Variants in KNL1 observed in about 807,000 individuals in gnomAD.
KNL1 encodes the protein outer kinetochore KNL1 complex subunit KNL1.
In KNL1, 66 loss-of-function variants were observed where a neutral mutation model predicts 201.3. The observed-to-expected ratio is 0.33, with a 90% CI of 0.27 to 0.40. The LOEUF is 0.40. Ranked by LOEUF, KNL1 falls within the 10% of genes least tolerant of loss-of-function variation. The pLI, the probability that KNL1 is intolerant of heterozygous loss-of-function variation, is 1.00. For missense variants in KNL1, 2,815 were observed against 2,690.5 expected (o/e 1.05, Z -1.02); for synonymous variants, 895 against 899.2 (o/e 1.00, Z 0.08).
Position 40,624,323 on chromosome 15 carries a change from T to G in KNL1, c.4059T>G (p.Ser1353=). 6.2e-7 allele frequency: 1 copy of G among 1,614,072 alleles called. No individual in the cohort carries two copies. Among genetic ancestry groups the G allele is most frequent in the Non-Finnish European group, 8.5e-7 (1 of 1,179,944 alleles). Residue 1353 remains serine (S), a synonymous_variant, in exon 10 of 26, where the codon TCT becomes TCG. Coordinates refer to ENST00000399668, the MANE Select transcript of KNL1 (RefSeq NM_144508.5). ...NDFASEYYLE[S]EGQPLSAPCP... ...TTGCCAGTGAATATTACTTGGAATC[T>G]GAGGGACAGCCTCTCTCTGCTCCTT...
At chr15:40,650,506 A>G in intron 18 of KNL1, 38 bp from the exon 19 acceptor site, 1 of 1,542,436 alleles carries the variant, frequency 6.5e-7, no homozygotes. Context: ...ACATTCTAAT[A>G]TGTTTGTTCT....
intron 7 of KNL1, among the ~76,000 whole-genome samples, chr15:40,613,877 A>G (rs1162114034): frequency 1.3e-5 from 2 of 151,998 alleles, no homozygotes; most frequent in Non-Finnish European, 2.9e-5. Context: ...GGCCCACTGC[A>G]AGCTCCGCCT....
chr15:40,640,158 G>T (rs541101545), intron 13 of KNL1, among the ~76,000 whole-genome samples: 2 of 146,250 alleles, frequency 1.4e-5, no homozygotes, highest in Non-Finnish European at 3.0e-5. Context: ...GTGCAGTGGC[G>T]CAATCTCGGC....
chr15:40,662,258 C>A lies in KNL1; in HGVS notation c.*70C>A. ...ATTATTTCAGGGTCCCATTGCTGTT[C>A]AGCCTTTGTTTTTACGTCATTACAA... On this transcript the variant is annotated 3_prime_UTR_variant, in exon 26 of 26. Transcript: ENST00000399668. The A allele has an allele frequency of 1.1e-6, 1 of 874,832 alleles. No individual in the cohort carries two copies. Among genetic ancestry groups the A allele is most frequent in the South Asian group, 1.4e-5 (1 of 69,324 alleles). 54.2% of individuals were successfully genotyped at this position (874,832 alleles called of 1,614,324 possible).
At chr15:40,625,766 G>T (rs1387276187) in intron 10 of KNL1, 126 bp downstream of exon 10, 4 of 677,434 alleles carry the variant, frequency 5.9e-6, no homozygotes, top group Non-Finnish European at 7.6e-6. Flanking sequence ...TTTCCACTTA[G>T]AGGGCTGGAG....
intron 25 of KNL1, 141 bp downstream of exon 25, chr15:40,659,602 C>T: frequency 1.7e-6 from 1 of 573,176 alleles, no homozygotes; most frequent in Non-Finnish European, 2.7e-6. Context: ...ACGCCATTCT[C>T]CTGCCTCAGC....
chr15:40,638,467 G>A (rs1416211034), intron 13 of KNL1, among the ~76,000 whole-genome samples: 2 of 151,878 alleles, frequency 1.3e-5, no homozygotes, highest in South Asian at 2.1e-4. Flanking sequence ...GAGCCACTGT[G>A]CCCAGGTCTG....
In KNL1 at chr15:40,621,472, A is replaced by G. The variant is rs1892523987; in HGVS notation, c.1208A>G (p.Asn403Ser). Residue 403 changes from asparagine to serine, a missense_variant, in exon 10 of 26, where the codon AAT becomes AGT. Physicochemically the swap from Asn to Ser is conservative, Grantham distance 46. Transcript: ENST00000399668. Reference sequence around the variant, plus strand: ...ACTCACATAGTCTCACAGACTTGTAATCAGGATGCCAGAATATTAGCCATG... The same window carrying G: ...ACTCACATAGTCTCACAGACTTGTAGTCAGGATGCCAGAATATTAGCCATG... ...AETHIVSQTCNQDARILAMTP... is the reference protein window; with the variant it reads ...AETHIVSQTCSQDARILAMTP... 1.9e-6 allele frequency: 3 copies of G among 1,614,016 alleles called. No individual in the cohort carries two copies. The East Asian group carries it at 6.7e-5, about 36-fold the overall frequency.
Position 40,657,051 on chromosome 15 carries a change from C to T in KNL1, c.6494C>T (p.Ala2165Val). 5 of 1,550,178 alleles carry T rather than the reference C, an allele frequency of 3.2e-6. No individual in the cohort carries two copies. Among genetic ancestry groups the T allele is most frequent in the Non-Finnish European group, 4.4e-6 (5 of 1,145,084 alleles). The change falls in exon 23 of 26, where the codon GCT becomes GTT. Residue 2165 changes from alanine (A) to valine (V), a missense_variant. By Grantham distance (64) the Ala-to-Val change is moderately conservative. Transcript: ENST00000399668. ...TTTTTTCCTTCCCCAGAGGATCAAG[C>T]TCCTCCTTCCTCCCTTTTAGTTCAT... ...NFQSLLDEDQ[A>V]PPSSLLVHKL...
intron 3 of KNL1, among the ~76,000 whole-genome samples, chr15:40,605,561 C>T (rs1046056843): frequency 4.6e-5 from 7 of 152,146 alleles, no homozygotes; most frequent in Admixed American, 2.0e-4. Context: ...AAGCGATTCT[C>T]GTGTTTCAGC....
At chr15:40,651,696 A>T in intron 20 of KNL1, 124 bp downstream of exon 20, 1 of 638,394 alleles carries the variant, frequency 1.6e-6, no homozygotes, top group Non-Finnish European at 2.7e-6. Context: ...TGCTGTTTCA[A>T]AAAGAGTCAG....
At position 40,597,877 on chromosome 15, in the gene KNL1, T is replaced by G. The variant is rs1595910290; in HGVS notation, c.-18+3485T>G. Among the ~76,000 whole-genome samples the G allele has an allele frequency of 2.0e-5, 3 of 152,248 alleles. No homozygotes were observed. In the East Asian group the frequency reaches 5.8e-4, roughly 29 times the overall value. On this transcript the variant is annotated intron_variant, in intron 1 of 25. Coordinates refer to ENST00000399668, the MANE Select transcript of KNL1 (RefSeq NM_144508.5). The stretch of plus-strand genomic sequence containing the variant: ...TGAATTTTGAACATGTGCACTGAAT[T>G]TGAAAATATTTCCCCTGGGCGCGGT...
At chr15:40,659,998 C>T (rs1174294464) in intron 25 of KNL1, among the ~76,000 whole-genome samples, 1 of 151,158 alleles carries the variant, frequency 6.6e-6, no homozygotes, top group Non-Finnish European at 1.5e-5. Flanking sequence ...GCAACCTCTG[C>T]CTCCTGGGTT....
chr15:40,622,588 G>C lies in KNL1; in HGVS notation c.2324G>C (p.Gly775Ala), dbSNP rs1016925278. 3 of 1,611,050 alleles carry C rather than the reference G, an allele frequency of 1.9e-6. No homozygotes were observed. ...TKSHTVVIGF[G>A]PSELQELGKT... ...AGCCACACTGTCGTCATTGGATTTG[G>C]TCCTTCTGAACTACAAGAACTTGGT... Residue 775 changes from glycine to alanine, a missense_variant, in exon 10 of 26, where the codon GGT becomes GCT. Physicochemically the swap from Gly to Ala is moderately conservative, Grantham distance 60. Coordinates refer to ENST00000399668, the MANE Select transcript of KNL1 (RefSeq NM_144508.5).
intron 3 of KNL1, among the ~76,000 whole-genome samples, chr15:40,605,749 C>T (rs998304692): frequency 1.3e-5 from 2 of 152,180 alleles, no homozygotes; most frequent in Admixed American, 6.5e-5. Flanking sequence ...TGTGCCCAGC[C>T]CAAACTGCTT....
chr15:40,645,143 T>A (rs1347975622), intron 15 of KNL1, 56 bp downstream of exon 15: 2 of 1,167,796 alleles, frequency 1.7e-6, no homozygotes, highest in Non-Finnish European at 2.5e-6. Flanking sequence ...GAACGATGTT[T>A]ATTGTGAAAT....
chr15:40,660,188 G>A (rs1893867525), intron 25 of KNL1, among the ~76,000 whole-genome samples: 1 of 152,016 alleles, frequency 6.6e-6, no homozygotes, highest in South Asian at 2.1e-4. Context: ...GGGGATTACA[G>A]GCGAAGAATT....
At position 40,622,213 on chromosome 15, in the gene KNL1, C is replaced by A. The variant is rs371781839; in HGVS notation, c.1949C>A (p.Pro650His). 1 of 1,613,914 alleles carries A rather than the reference C, an allele frequency of 6.2e-7. No homozygotes were observed. The highest frequency in any genetic ancestry group is 1.3e-5 in the African/African-American group (1 of 74,920). Residue 650 changes from proline to histidine, a missense_variant, in exon 10 of 26, where the codon CCC becomes CAC. Physicochemically the swap from Pro to His is moderately conservative, Grantham distance 77. This residue lies in a region of KNL1 where 2,464 missense variants were observed against 2,291.7 expected (regional missense o/e 1.08). Coordinates refer to ENST00000399668, the MANE Select transcript of KNL1 (RefSeq NM_144508.5). ...KDKDWVLKILPYLDKDSPQSA... is the reference protein window; with the variant it reads ...KDKDWVLKILHYLDKDSPQSA... The stretch of plus-strand genomic sequence containing the variant: ...AAAGATTGGGTTTTGAAGATTTTGC[C>A]CTACCTTGATAAAGATTCTCCTCAG...
rs766790288 is a variant in KNL1 at position 40,640,985 on chromosome 15, T to G, written c.5756T>G (p.Ile1919Ser). ...SQYVYRPKIQIYREDCEARRQ... is the reference protein window; with the variant it reads ...SQYVYRPKIQSYREDCEARRQ... ...TATGTTTACCGACCCAAGATACAGA[T>G]TTATAGAGAAGATTGTGAGGCTCGT... Residue 1919 changes from isoleucine to serine, a missense_variant, in exon 14 of 26, where the codon ATT (isoleucine) becomes AGT (serine). By Grantham distance (142) the Ile-to-Ser change is moderately radical (BLOSUM62 -2). Around this residue, in one of 3 missense-constraint regions of KNL1, gnomAD observed 2,464 missense variants for 2,291.7 expected, o/e 1.08. Transcript: ENST00000399668. The G allele has an allele frequency of 1.2e-6, 2 of 1,613,124 alleles. No individual in the cohort carries two copies. The highest frequency in any genetic ancestry group is 1.7e-6 in the Non-Finnish European group (2 of 1,179,494).
Sources: gnomAD v4.1 joint callset for allele counts (sites outside exome capture counted in the v4.1 genomes callset) on GRCh38, gnomAD v4.1.1 for gene constraint, gnomAD v4.1.1 regional missense constraint, MANE v1.5 for transcripts, NCBI Gene and HGNC (gene_info 2026-07-23, HGNC 2026-07-21) for gene names.